Variants in PDS5B observed in about 807,000 individuals in gnomAD.
The protein encoded by PDS5B is sister chromatid cohesion protein PDS5 homolog B.
In PDS5B, 51 loss-of-function variants were observed where a neutral mutation model predicts 184.1. That is an observed-to-expected ratio of 0.28 (90% CI 0.22 to 0.35). The LOEUF is 0.35. Among genes scored for constraint, PDS5B ranks in the 10% least tolerant of loss-of-function variants. The pLI, the probability that PDS5B is intolerant of heterozygous loss-of-function variation, is 1.00. For synonymous variants in PDS5B, 566 were observed against 569.2 expected (o/e 0.99, Z 0.08); for missense variants, 1,180 against 1,723.3 (o/e 0.68, Z 5.58).
intron 1 of PDS5B, among the ~76,000 whole-genome samples, chr13:32,646,161 T>A (rs922680212): frequency 6.6e-6 from 1 of 152,058 alleles, no homozygotes. Flanking sequence ...CACACCACTA[T>A]GCTTGGCTAA....
chr13:32,623,496 T>TTTAAAG (rs74276341), intron 1 of PDS5B, among the ~76,000 whole-genome samples: 51,035 of 151,614 alleles, frequency 0.34, 8,758 homozygotes, highest in Non-Finnish European at 0.37. Context: ...TCCTCCTTGC[T>TTTAAAG]TTAAACTATA....
intron 6 of PDS5B, among the ~76,000 whole-genome samples, chr13:32,665,588 C>CAAAAAAAAAAAA (rs34604938): frequency 7.0e-4 from 18 of 25,882 alleles, no homozygotes; most frequent in African/African-American, 1.2e-3. Context: ...GACTCCGACT[C>CAAAAAAAAAAAA]AAAAAAAAAA....
At chr13:32,601,038 T>G (rs1279161855) in intron 1 of PDS5B, among the ~76,000 whole-genome samples, 1 of 152,190 alleles carries the variant, frequency 6.6e-6, no homozygotes, top group Non-Finnish European at 1.5e-5. Flanking sequence ...ATAAAACAGC[T>G]TTCTGCTTGA....
At chr13:32,682,351 T>A (rs375621172) in intron 10 of PDS5B, among the ~76,000 whole-genome samples, 1 of 152,232 alleles carries the variant, frequency 6.6e-6, no homozygotes, top group East Asian at 1.9e-4. Context: ...TTTGCCTGTT[T>A]CTGAATTTCA....
intron 21 of PDS5B, among the ~76,000 whole-genome samples, chr13:32,740,489 A>AT (rs1215253374): frequency 6.6e-6 from 1 of 152,142 alleles, no homozygotes; most frequent in Non-Finnish European, 1.5e-5. Flanking sequence ...CTGAGGTGAT[A>AT]TTCAATTCCT....
intron 31 of PDS5B, among the ~76,000 whole-genome samples, chr13:32,766,737 C>G (rs886333712): frequency 2.2e-4 from 33 of 152,100 alleles, no homozygotes; most frequent in African/African-American, 7.7e-4. Context: ...TTTATACTCC[C>G]TCTGTTCTTA....
intron 16 of PDS5B, 53 bp from the exon 17 acceptor site, chr13:32,701,270 A>G (rs1951854021): frequency 2.2e-6 from 2 of 921,836 alleles, no homozygotes; most frequent in South Asian, 2.9e-5. Flanking sequence ...ATATTTTAAC[A>G]TAATGATTTG....
intron 3 of PDS5B, among the ~76,000 whole-genome samples, chr13:32,655,374 A>ATATATTTTTTTTTT: frequency 2.8e-5 from 2 of 72,484 alleles, no homozygotes; most frequent in Non-Finnish European, 2.2e-5. Context: ...ATATATATAT[A>ATATATTTTTTTTTT]TTTTTTTTTT....
intron 14 of PDS5B, among the ~76,000 whole-genome samples, chr13:32,695,968 A>G (rs1273234065): frequency 6.6e-6 from 1 of 152,066 alleles, no homozygotes; most frequent in Admixed American, 6.6e-5. Flanking sequence ...AAGTAACAGA[A>G]TGGAGGAGGA....
At chr13:32,699,294 T>G (rs765509570) in intron 15 of PDS5B, among the ~76,000 whole-genome samples, 5 of 152,218 alleles carry the variant, frequency 3.3e-5, no homozygotes, top group Non-Finnish European at 7.4e-5. Context: ...CATGTATATG[T>G]AAACTCTCTG....
chr13:32,710,213 G>A, intron 19 of PDS5B, 107 bp downstream of exon 19: 1 of 730,630 alleles, frequency 1.4e-6, no homozygotes, highest in Non-Finnish European at 2.0e-6. Flanking sequence ...AAACTGTCTA[G>A]GTTATCTTAA....
At chr13:32,630,444 A>G (rs2058437131) in intron 1 of PDS5B, among the ~76,000 whole-genome samples, 2 of 152,146 alleles carry the variant, frequency 1.3e-5, no homozygotes, top group African/African-American at 2.4e-5. Context: ...GATGCTGCTG[A>G]ACATTGTACA....
chr13:32,665,941 A>C (rs1459640545), intron 6 of PDS5B, among the ~76,000 whole-genome samples: 2 of 152,214 alleles, frequency 1.3e-5, no homozygotes, highest in Non-Finnish European at 2.9e-5. Context: ...CGTGGGGGCT[A>C]AAGAAAGGTC....
chr13:32,609,900 GA>G (rs113024952), intron 1 of PDS5B, among the ~76,000 whole-genome samples: 48,490 of 132,138 alleles, frequency 0.37, 8,011 homozygotes, highest in Middle Eastern at 0.41. Flanking sequence ...AAGAAAAAAA[GA>G]AAAAAAAAAA....
chr13:32,771,533 C>T (rs1490464464), intron 33 of PDS5B, among the ~76,000 whole-genome samples: 1 of 151,324 alleles, frequency 6.6e-6, no homozygotes, highest in Admixed American at 6.6e-5. Flanking sequence ...CATCATGGCT[C>T]GACTTTTCAG....
chr13:32,674,865 A>T (rs1487112174), intron 8 of PDS5B, among the ~76,000 whole-genome samples: 1 of 152,166 alleles, frequency 6.6e-6, no homozygotes, highest in South Asian at 2.1e-4. Context: ...GCCTTAAAGA[A>T]ATAGCTGTCC....
At chr13:32,670,713 C>G (rs559198575) in intron 7 of PDS5B, among the ~76,000 whole-genome samples, 64 of 152,170 alleles carry the variant, frequency 4.2e-4, no homozygotes, top group Non-Finnish European at 7.5e-4. Flanking sequence ...CTTTTTTTAT[C>G]ACAAATTTTA....
intron 19 of PDS5B, among the ~76,000 whole-genome samples, chr13:32,723,705 T>C (rs1952798999): frequency 6.6e-6 from 1 of 152,192 alleles, no homozygotes; most frequent in East Asian, 1.9e-4. Context: ...TGGGGAAAGA[T>C]TATAGGTGTT....
intron 10 of PDS5B, among the ~76,000 whole-genome samples, chr13:32,679,394 G>A (rs1396614513): frequency 6.6e-6 from 1 of 152,048 alleles, no homozygotes; most frequent in Non-Finnish European, 1.5e-5. Context: ...GCTTCAGGCC[G>A]AGCACAGGCC....
Sources: allele counts gnomAD v4.1 joint callset (sites outside exome capture counted in the v4.1 genomes callset), GRCh38; gene constraint gnomAD v4.1.1; transcripts MANE v1.5; gene names NCBI Gene and HGNC (gene_info 2026-07-23, HGNC 2026-07-21).